Variants in PPFIA2 observed in about 807,000 individuals in gnomAD.
PPFIA2 encodes the protein liprin-alpha-2.
A neutral mutation model predicts 175.5 loss-of-function variants in PPFIA2; 46 were observed. That is an observed-to-expected ratio of 0.26 (90% CI 0.21 to 0.34). The LOEUF (loss-of-function observed/expected upper bound fraction) is 0.34, where lower values mean the gene tolerates loss of function less well. Ranked by LOEUF, PPFIA2 falls within the 10% of genes least tolerant of loss-of-function variation. The pLI is 1.00. For synonymous variants in PPFIA2, 568 were observed against 511.4 expected (o/e 1.11, Z -1.49); for missense variants, 1,179 against 1,506.1 (o/e 0.78, Z 3.60).
chr12:81,597,875 C>T, intron 4 of PPFIA2: 1 of 1,394,462 alleles, frequency 7.2e-7, no homozygotes, highest in Non-Finnish European at 9.7e-7. Flanking sequence ...AGTCTTTCTT[C>T]CTTTATATAG....
At chr12:81,610,712 T>C (rs186488375) in intron 4 of PPFIA2, among the ~76,000 whole-genome samples, 63 of 152,338 alleles carry the variant, frequency 4.1e-4, no homozygotes, top group Admixed American at 3.3e-3. Context: ...AGATTCTGAA[T>C]TCTATGTTTG....
intron 4 of PPFIA2, among the ~76,000 whole-genome samples, chr12:81,551,182 T>A (rs1439065524): frequency 1.3e-5 from 2 of 151,940 alleles, no homozygotes; most frequent in African/African-American, 4.8e-5. Flanking sequence ...AGGACTTACT[T>A]AGCATGTAGC....
At chr12:81,413,621 A>T (rs1408534886) in intron 7 of PPFIA2, among the ~76,000 whole-genome samples, 1 of 151,832 alleles carries the variant, frequency 6.6e-6, no homozygotes, top group Admixed American at 6.6e-5. Context: ...AACTCAAAGT[A>T]ATAGGCAATT....
chr12:81,340,150 T>C (rs2057808528), intron 20 of PPFIA2, among the ~76,000 whole-genome samples: 1 of 152,086 alleles, frequency 6.6e-6, no homozygotes, highest in Non-Finnish European at 1.5e-5. Context: ...TAGCTTTTTA[T>C]ATGTTGAAAT....
At chr12:81,428,846 C>T (rs1284371567) in intron 7 of PPFIA2, among the ~76,000 whole-genome samples, 1 of 151,968 alleles carries the variant, frequency 6.6e-6, no homozygotes, top group Non-Finnish European at 1.5e-5. Flanking sequence ...TGTTGGCAGG[C>T]AAGCTAAAAG....
Position 81,347,671 on chromosome 12 carries a change from G to T in PPFIA2, c.2094C>A (p.Val698=), listed in dbSNP as rs764213582. Residue 698 remains valine, a synonymous_variant, in exon 18 of 33, where the codon GTC becomes GTA. Transcript: ENST00000549396. Reference sequence around the variant, plus strand: ...AGGCAGTAATGGAGGTACCTGGGTGGACCCTTGCCAAATTCAGGCCTTCGA... The same window carrying T: ...AGGCAGTAATGGAGGTACCTGGGTGTACCCTTGCCAAATTCAGGCCTTCGA... ...VSLEGLNLAR[V]HPGTSITASV... 4.3e-6 allele frequency: 7 copies of T among 1,613,680 alleles called. No individual in the cohort carries two copies. The highest frequency in any genetic ancestry group is 4.2e-6 in the Non-Finnish European group (5 of 1,179,820).
At chr12:81,344,892 T>A (rs2058771009) in intron 18 of PPFIA2, 199 bp from the exon 19 acceptor site, 1 of 482,074 alleles carries the variant, frequency 2.1e-6, no homozygotes, top group African/African-American at 1.9e-5. Flanking sequence ...ACTTCTCAGG[T>A]AACATAAGTC....
At chr12:81,548,516 G>T (rs2067346119) in intron 4 of PPFIA2, among the ~76,000 whole-genome samples, 1 of 152,022 alleles carries the variant, frequency 6.6e-6, no homozygotes, top group South Asian at 2.1e-4. Flanking sequence ...TGTTTTTCTA[G>T]AGATGGGAGT....
chr12:81,266,172 C>T (rs1475726367), intron 30 of PPFIA2, among the ~76,000 whole-genome samples: 1 of 152,120 alleles, frequency 6.6e-6, no homozygotes, highest in Non-Finnish European at 1.5e-5. Flanking sequence ...TTTTAATCAG[C>T]TTGTCTTTGT....
intron 4 of PPFIA2, among the ~76,000 whole-genome samples, chr12:81,559,731 G>C (rs916701040): frequency 1.3e-5 from 2 of 151,594 alleles, no homozygotes; most frequent in African/African-American, 4.8e-5. Flanking sequence ...AATTATAAAT[G>C]CAAGATACTT....
At chr12:81,486,778 T>C (rs546555450) in intron 4 of PPFIA2, among the ~76,000 whole-genome samples, 1 of 151,988 alleles carries the variant, frequency 6.6e-6, no homozygotes. Context: ...ATTAAAATAA[T>C]AATAGATGAT....
At chr12:81,422,650 A>G (rs2143888591) in intron 7 of PPFIA2, among the ~76,000 whole-genome samples, 1 of 152,240 alleles carries the variant, frequency 6.6e-6, no homozygotes, top group Admixed American at 6.6e-5. Flanking sequence ...AATAACCCTC[A>G]GATCTCATGA....
rs535877989 is a variant in PPFIA2, at chr12:81,688,799, T to C, written c.250-11955A>G. On this transcript the variant is annotated intron_variant, in intron 3 of 32. Coordinates refer to ENST00000549396, the MANE Select transcript of PPFIA2 (RefSeq NM_003625.5). ...AAGCAAAAACAGGGCAAGTGGTTTATTAAATATATATATATATATATATAT... is the reference window on the plus strand; with the variant it reads ...AAGCAAAAACAGGGCAAGTGGTTTACTAAATATATATATATATATATATAT... Among the ~76,000 whole-genome samples the C allele has an allele frequency of 8.4e-4, 33 of 39,230 alleles. 1 individual carries two copies. The highest frequency in any genetic ancestry group is 6.6e-3 in the South Asian group (6 of 908). 25.7% of individuals were successfully genotyped at this position (39,230 alleles called of 152,430 possible).
chr12:81,703,813 T>C (rs1398786852), intron 3 of PPFIA2, among the ~76,000 whole-genome samples: 4 of 152,092 alleles, frequency 2.6e-5, no homozygotes, highest in Non-Finnish European at 5.9e-5. Context: ...GTCTTACATA[T>C]GATACTCTTT....
chr12:81,694,772 G>A (rs2075695776), intron 3 of PPFIA2, among the ~76,000 whole-genome samples: 1 of 152,162 alleles, frequency 6.6e-6, no homozygotes, highest in Non-Finnish European at 1.5e-5. Flanking sequence ...ACCTGTGCCT[G>A]GAGAAGCCAC....
At chr12:81,464,945 G>A (rs2055330663) in intron 4 of PPFIA2, among the ~76,000 whole-genome samples, 1 of 151,406 alleles carries the variant, frequency 6.6e-6, no homozygotes, top group African/African-American at 2.4e-5. Flanking sequence ...TACTTGAGGA[G>A]GTTTAATTGA....
At chr12:81,416,600 A>G (rs1400471366) in intron 7 of PPFIA2, among the ~76,000 whole-genome samples, 1 of 151,762 alleles carries the variant, frequency 6.6e-6, no homozygotes, top group African/African-American at 2.4e-5. Flanking sequence ...AACAGCAAAC[A>G]GAACTTACTG....
At chr12:81,739,998 G>A (rs2082137790) in intron 3 of PPFIA2, among the ~76,000 whole-genome samples, 1 of 152,128 alleles carries the variant, frequency 6.6e-6, no homozygotes, top group African/African-American at 2.4e-5. Flanking sequence ...AAGCAGAGCT[G>A]GGAGCCAAGA....
intron 4 of PPFIA2, among the ~76,000 whole-genome samples, chr12:81,554,456 C>A (rs1210029601): frequency 1.3e-5 from 2 of 151,972 alleles, no homozygotes; most frequent in Non-Finnish European, 1.5e-5. Context: ...TCTTTATTTT[C>A]TTTCTCTGTA....
Sources: gnomAD v4.1 joint callset for allele counts (sites outside exome capture counted in the v4.1 genomes callset) on GRCh38, gnomAD v4.1.1 for gene constraint, MANE v1.5 for transcripts, NCBI Gene and HGNC (gene_info 2026-07-23, HGNC 2026-07-21) for gene names.